Variants in TECPR1 observed in about 807,000 individuals in gnomAD.
TECPR1 encodes the protein tectonin beta-propeller repeat containing 1, also known as tectonin beta-propeller repeat-containing protein 1.
Under a neutral mutation model 162.4 loss-of-function variants are expected in TECPR1, and 122 were observed. The ratio of observed to expected loss-of-function variants is 0.75; its 90% CI spans 0.65 to 0.87. The LOEUF (loss-of-function observed/expected upper bound fraction) is 0.87. TECPR1 is among the 40% of genes least tolerant of loss of function. The pLI, the probability that TECPR1 is intolerant of heterozygous loss-of-function variation, is 0.00. For synonymous variants in TECPR1, 642 were observed against 670.6 expected (o/e 0.96, Z 0.66); for missense variants, 1,432 against 1,618.2 (o/e 0.88, Z 1.97).
chr7:98,232,167 G>A lies in TECPR1; in HGVS notation c.1819-208C>T, dbSNP rs1011700874. Among the ~76,000 whole-genome samples the A allele has an allele frequency of 6.6e-6, 1 of 152,226 alleles. No homozygotes were observed. Among genetic ancestry groups the A allele is most frequent in the African/African-American group, 2.4e-5 (1 of 41,560 alleles). On this transcript the variant is annotated intron_variant, in intron 12 of 25. Transcript: ENST00000447648. The surrounding 1 kb of genome is among the most constrained non-coding windows in gnomAD (Gnocchi z 4.6). ...GTGCAGGCTGAGCCAGGGCTGTTCC[G>A]TACAACCTCCTCTCTCTCAAACAGC... is the stretch of plus-strand genomic sequence containing the variant.
At chr7:98,249,246 G>A (rs778483253) in intron 2 of TECPR1, among the ~76,000 whole-genome samples, 4 of 152,126 alleles carry the variant, frequency 2.6e-5, no homozygotes, top group Non-Finnish European at 5.9e-5. Flanking sequence ...GTGAGAGGGT[G>A]AGGAACAGGA....
rs780876634 is a variant in TECPR1 at position 98,241,132 on chromosome 7, C to T, written c.770G>A (p.Trp257Ter). The T allele has an allele frequency of 6.2e-7, 1 of 1,612,500 alleles. No individual in the cohort carries two copies. The highest frequency in any genetic ancestry group is 8.5e-7 in the Non-Finnish European group (1 of 1,179,706). ...GGCCTGTCCCTCCCAGAGTGTGGCC[C>T]ACAGGAGGTCGTGGGGCCCACAGCT... Reference protein sequence around the residue: ...QISCGPHDLLWATLWEGQALV... With the variant: ...QISCGPHDLL The change falls in exon 7 of 26, where the codon TGG (tryptophan) becomes TAG (stop). Residue 257 changes from tryptophan (W) to a stop codon, truncating the protein, a stop_gained. Transcript: ENST00000447648. LOFTEE classifies it high-confidence loss of function. The surrounding 1 kb of genome is among the most constrained non-coding windows in gnomAD (Gnocchi z 5.0).
intron 5 of TECPR1, 35 bp downstream of exon 5, chr7:98,244,536 T>TATCCTGCCCCC (rs1798850060): frequency 4.4e-6 from 7 of 1,583,024 alleles, no homozygotes; most frequent in Non-Finnish European, 6.0e-6. Context: ...GTCCTGGCCC[T>TATCCTGCCCCC]ATCCTGCCCC....
intron 2 of TECPR1, 35 bp from the exon 3 acceptor site, chr7:98,246,200 C>T (rs1207995766): frequency 1.4e-6 from 2 of 1,410,970 alleles, no homozygotes; most frequent in Non-Finnish European, 1.9e-6. Flanking sequence ...CGTTCAGGCT[C>T]CCAGCCCAGG....
intron 17 of TECPR1, among the ~76,000 whole-genome samples, chr7:98,227,695 G>T (rs189632335): frequency 6.6e-6 from 1 of 151,738 alleles, no homozygotes; most frequent in Non-Finnish European, 1.5e-5. Flanking sequence ...GGTGCCAGGC[G>T]CCTGTAATCC....
chr7:98,235,849 A>AAAAAAAAAAAAAAAC, intron 10 of TECPR1, among the ~76,000 whole-genome samples: 6 of 110,338 alleles, frequency 5.4e-5, no homozygotes, highest in African/African-American at 1.8e-4. Context: ...AAAAAAAAAA[A>AAAAAAAAAAAAAAAC]AACACCATCT....
chr7:98,217,044 C>T lies in TECPR1; in HGVS notation c.*346G>A, dbSNP rs1411796565. 1.2e-4 allele frequency: 27 copies of T among 231,096 alleles called. No homozygotes were observed. The Admixed American group carries it at 1.2e-3, about 11-fold the overall frequency. 14.3% of individuals were successfully genotyped at this position (231,096 alleles called of 1,614,324 possible). A position where few individuals can be genotyped will look rare whatever the true frequency, so the allele number is the denominator to read the frequency against. ...CCATCCTGGCTCTGCTGCCCCAGGG[C>T]CGGCGTTCCCGGAGGGCTCCAGGTT... On this transcript the variant is annotated 3_prime_UTR_variant, in exon 26 of 26. Transcript: ENST00000447648.
rs199716089 is a variant in TECPR1, at chr7:98,217,536, C to T, written c.3385-33G>A. On this transcript the variant is annotated intron_variant, in intron 25 of 25. Transcript: ENST00000447648. The stretch of plus-strand genomic sequence containing the variant: ...GAGAGAGCTGTGTCACCAGGGGACT[C>T]GGGGACTCGAGGATCCTGGAGGGGA... 88 of 1,466,408 alleles carry T rather than the reference C, an allele frequency of 6.0e-5. No homozygotes were observed. The Middle Eastern group carries it at 1.2e-3, about 20-fold the overall frequency. The allele number at this position is 1,466,408 out of a possible 1,614,324, so 90.8% of individuals were successfully genotyped here.
intron 5 of TECPR1, 95 bp downstream of exon 5, chr7:98,244,476 C>T: frequency 6.7e-7 from 1 of 1,498,592 alleles, no homozygotes; most frequent in South Asian, 1.3e-5. Context: ...GTGGTGTCCC[C>T]TGGTGCACAC....
chr7:98,217,840 G>C (rs998092211), intron 24 of TECPR1, 29 bp from the exon 25 acceptor site: 19 of 1,544,104 alleles, frequency 1.2e-5, no homozygotes, highest in South Asian at 1.2e-5. Flanking sequence ...GAAGCCCTCA[G>C]CCCTACCTGC....
In TECPR1 at chr7:98,229,049, G is replaced by T. The variant is rs1315798980; in HGVS notation, c.2400C>A (p.Gly800=). Residue 800 remains glycine, a synonymous_variant, in exon 16 of 26, where the codon GGC becomes GGA. Coordinates refer to ENST00000447648, the MANE Select transcript of TECPR1 (RefSeq NM_015395.3). The part of the protein sequence containing the change: ...AWVYTGGYGG[G]CFQGLASSTS... ...GTGGGCCGCCCTCACCTTGGAAGCA[G>T]CCGCCTCCATAGCCGCCTGTGTATA... 6.3e-7 allele frequency: 1 copy of T among 1,599,236 alleles called. No homozygotes were observed. The highest frequency in any genetic ancestry group is 1.7e-5 in the Admixed American group (1 of 58,212).
At chr7:98,222,557 G>T (rs1394130488) in intron 21 of TECPR1, 36 bp from the exon 22 acceptor site, 1 of 1,547,722 alleles carries the variant, frequency 6.5e-7, no homozygotes, top group Non-Finnish European at 8.7e-7. Flanking sequence ...AGGTCACCAG[G>T]GCCCCCACCC....
chr7:98,229,000 G>A (rs780320685), intron 16 of TECPR1, 39 bp downstream of exon 16: 19 of 1,584,454 alleles, frequency 1.2e-5, no homozygotes, highest in East Asian at 6.8e-5. Flanking sequence ...AGGAAAGAAC[G>A]CCCAGGAAGG....
intron 17 of TECPR1, among the ~76,000 whole-genome samples, chr7:98,226,062 A>G (rs1798273045): frequency 6.6e-6 from 1 of 152,190 alleles, no homozygotes; most frequent in African/African-American, 2.4e-5. Context: ...CAGCTGGGGC[A>G]CGCATTTGTG....
intron 15 of TECPR1, among the ~76,000 whole-genome samples, 197 bp downstream of exon 15, chr7:98,230,764 G>T (rs751521735): frequency 2.3e-4 from 35 of 152,182 alleles, no homozygotes; most frequent in Non-Finnish European, 4.3e-4. Context: ...GCCCAGTGGG[G>T]CTTCTGGTTC....
rs888875152 is a variant in TECPR1, at chr7:98,217,049, G to A, written c.*341C>T. 27 of 239,866 alleles carry A rather than the reference G, an allele frequency of 1.1e-4. 1 individual carries two copies. The highest frequency in any genetic ancestry group is 2.7e-3 in the Middle Eastern group (2 of 746). The allele number at this position is 239,866 out of a possible 1,614,324, so 14.9% of individuals were successfully genotyped here. ...CTGGCTCTGCTGCCCCAGGGCCGGC[G>A]TTCCCGGAGGGCTCCAGGTTCCCGG... is the stretch of plus-strand genomic sequence containing the variant. On this transcript the variant is annotated 3_prime_UTR_variant, in exon 26 of 26. Transcript: ENST00000447648.
chr7:98,230,941 C>A lies in TECPR1; in HGVS notation c.2282+20G>T, dbSNP rs1024028122. 4 of 1,603,346 alleles carry A rather than the reference C, an allele frequency of 2.5e-6. No individual in the cohort carries two copies. The highest frequency in any genetic ancestry group is 3.4e-6 in the Non-Finnish European group (4 of 1,174,614). Reference sequence around the variant, plus strand: ...GGTGAGGCCAGGCCCCAGACCCCACCCAGAGTGCGGCTCACTCACATCTGG... The same window carrying A: ...GGTGAGGCCAGGCCCCAGACCCCACACAGAGTGCGGCTCACTCACATCTGG... On this transcript the variant is annotated intron_variant, in intron 15 of 25. Coordinates refer to ENST00000447648, the MANE Select transcript of TECPR1 (RefSeq NM_015395.3).
chr7:98,222,997 T>C lies in TECPR1; in HGVS notation c.2921A>G (p.Asn974Ser). Residue 974 changes from asparagine to serine, a missense_variant, in exon 21 of 26, where the codon AAC becomes AGC. Physicochemically the swap from Asn to Ser is conservative, Grantham distance 46. Coordinates refer to ENST00000447648, the MANE Select transcript of TECPR1 (RefSeq NM_015395.3). ...VLCRLGVSEL[N>S]PAGSSWLHVG... ...TCTGGCCCCGGCACTCACCGCAGGG[T>C]TGAGCTCCGACACGCCCAGGCGGCA... 6.2e-7 allele frequency: 1 copy of C among 1,611,796 alleles called. No homozygotes were observed. Among genetic ancestry groups the C allele is most frequent in the East Asian group, 2.2e-5 (1 of 44,822 alleles).
At chr7:98,226,944 C>CA (rs1014626205) in intron 17 of TECPR1, among the ~76,000 whole-genome samples, 38 of 148,028 alleles carry the variant, frequency 2.6e-4, no homozygotes, top group African/African-American at 5.0e-4. Flanking sequence ...AAAAACAAAA[C>CA]AAAAAAAACA....
Sources: allele counts gnomAD v4.1 joint callset (sites outside exome capture counted in the v4.1 genomes callset), GRCh38; gene constraint gnomAD v4.1.1; non-coding constraint Gnocchi (gnomAD v3.1); transcripts MANE v1.5; gene names NCBI Gene and HGNC (gene_info 2026-07-23, HGNC 2026-07-21).